CNTN3: variants seen among roughly 807,000 people sequenced by gnomAD.
The protein encoded by CNTN3 is contactin-3.
In CNTN3, 60 loss-of-function variants were observed where a neutral mutation model predicts 119.1. The observed-to-expected ratio is 0.50, with a 90% CI of 0.41 to 0.62. CNTN3 has a LOEUF of 0.62. Among genes scored for constraint, CNTN3 ranks in the 20% least tolerant of loss-of-function variants. The pLI is 0.00. For missense variants in CNTN3, 1,101 were observed against 1,242.4 expected (o/e 0.89, Z 1.71); for synonymous variants, 450 against 438.7 (o/e 1.03, Z -0.32).
chr3:74,435,826 C>G (rs1323052195), intron 4 of CNTN3, among the ~76,000 whole-genome samples: 2 of 152,154 alleles, frequency 1.3e-5, no homozygotes, highest in African/African-American at 2.4e-5. Flanking sequence ...GATTTCAAGT[C>G]CAGTTCTTTT....
At chr3:74,468,830 G>T (rs1009260175) in intron 4 of CNTN3, among the ~76,000 whole-genome samples, 2 of 152,100 alleles carry the variant, frequency 1.3e-5, no homozygotes, top group Non-Finnish European at 2.9e-5. Flanking sequence ...TCCTCCAGAT[G>T]ACAGATTTGG....
In CNTN3 at chr3:74,521,140, C is replaced by T; in HGVS notation, c.-28G>A. On this transcript the variant is annotated 5_prime_UTR_variant, in exon 2 of 23. Coordinates refer to ENST00000263665, the MANE Select transcript of CNTN3 (RefSeq NM_020872.3). Reference sequence around the variant, plus strand: ...TTAATTGCCAAATGCAAGAGTAACTCTTGTCCAGTCTCTGATGAATAGAAT... The same window carrying T: ...TTAATTGCCAAATGCAAGAGTAACTTTTGTCCAGTCTCTGATGAATAGAAT... 1 of 1,464,608 alleles carries T rather than the reference C, an allele frequency of 6.8e-7. No individual in the cohort carries two copies. Among genetic ancestry groups the T allele is most frequent in the Non-Finnish European group, 9.5e-7 (1 of 1,056,232 alleles). The allele number at this position is 1,464,608 out of a possible 1,614,324, so 90.7% of individuals were successfully genotyped here. A position where few individuals can be genotyped will look rare whatever the true frequency, so the allele number is the denominator to read the frequency against.
intron 20 of CNTN3, among the ~76,000 whole-genome samples, chr3:74,275,480 T>C (rs1396807158): frequency 6.6e-6 from 1 of 152,192 alleles, no homozygotes; most frequent in Non-Finnish European, 1.5e-5. Flanking sequence ...CTAGAAGGGA[T>C]TGTGGCCCAA....
chr3:74,288,090 C>T (rs1422446131), intron 19 of CNTN3, among the ~76,000 whole-genome samples: 1 of 151,784 alleles, frequency 6.6e-6, no homozygotes, highest in Non-Finnish European at 1.5e-5. Flanking sequence ...CTTTTTTTTC[C>T]AGTGACATTT....
chr3:74,367,592 C>G (rs1243946879), intron 8 of CNTN3, among the ~76,000 whole-genome samples: 1 of 151,782 alleles, frequency 6.6e-6, no homozygotes, highest in Non-Finnish European at 1.5e-5. Flanking sequence ...AACTGATGTG[C>G]TAGTCACTGC....
At position 74,299,205 on chromosome 3, in the gene CNTN3, CA is replaced by C. The variant is rs200802057; in HGVS notation, c.2166+662del. On this transcript the variant is annotated intron_variant, in intron 17 of 22. Coordinates refer to ENST00000263665, the MANE Select transcript of CNTN3 (RefSeq NM_020872.3). ...ACTGGGCAACAGAGCAAGACTGTCT[CA>C]AAAAAAAAGGAAAAAAATATTAACG... Among the ~76,000 whole-genome samples, 35 of 149,318 alleles carry C rather than the reference CA, an allele frequency of 2.3e-4. No individual in the cohort carries two copies. The East Asian group carries it at 2.4e-3, about 10-fold the overall frequency.
At chr3:74,367,102 G>A (rs986624018) in intron 8 of CNTN3, among the ~76,000 whole-genome samples, 1 of 151,664 alleles carries the variant, frequency 6.6e-6, no homozygotes. Flanking sequence ...CATATGAGAT[G>A]CAAATATTCT....
At chr3:74,498,427 A>G (rs908551308) in intron 3 of CNTN3, among the ~76,000 whole-genome samples, 1 of 151,872 alleles carries the variant, frequency 6.6e-6, no homozygotes, top group African/African-American at 2.4e-5. Flanking sequence ...CTATAGAAAG[A>G]GGTAGAGGCA....
At chr3:74,398,660 T>G (rs1705114856) in intron 5 of CNTN3, among the ~76,000 whole-genome samples, 1 of 152,236 alleles carries the variant, frequency 6.6e-6, no homozygotes, top group African/African-American at 2.4e-5. Context: ...TTAGATCAAC[T>G]TTTAAAATGT....
At chr3:74,522,865 G>A (rs1230391362) in intron 1 of CNTN3, among the ~76,000 whole-genome samples, 1 of 151,760 alleles carries the variant, frequency 6.6e-6, no homozygotes, top group East Asian at 2.0e-4. Flanking sequence ...AGGATGAGTA[G>A]GGCACACGCA....
At chr3:74,379,539 T>C (rs1704565220) in intron 5 of CNTN3, among the ~76,000 whole-genome samples, 1 of 152,158 alleles carries the variant, frequency 6.6e-6, no homozygotes, top group Non-Finnish European at 1.5e-5. Flanking sequence ...TACCTTCATA[T>C]CTGTAAATGC....
chr3:74,514,650 G>A (rs1703422090), intron 2 of CNTN3, among the ~76,000 whole-genome samples: 1 of 152,076 alleles, frequency 6.6e-6, no homozygotes, highest in South Asian at 2.1e-4. Context: ...ATGTAGGGAT[G>A]CATGTGTAAC....
At chr3:74,391,557 C>CTTTTTTTTTTTTTTTTTTTT (rs554976641) in intron 5 of CNTN3, among the ~76,000 whole-genome samples, 7 of 87,030 alleles carry the variant, frequency 8.0e-5, no homozygotes, top group African/African-American at 3.3e-4. Flanking sequence ...CCCATAGTTT[C>CTTTTTTTTTTTTTTTTTTTT]TTTTTTTTTT....
chr3:74,596,564 C>A (rs1704813965), intron 1 of CNTN3, among the ~76,000 whole-genome samples: 1 of 152,066 alleles, frequency 6.6e-6, no homozygotes, highest in African/African-American at 2.4e-5. Flanking sequence ...TTTGACAAAC[C>A]TGAGAAAAAC....
chr3:74,347,052 G>A (rs1299699519), intron 11 of CNTN3, among the ~76,000 whole-genome samples: 1 of 152,078 alleles, frequency 6.6e-6, no homozygotes, highest in African/African-American at 2.4e-5. Context: ...TGCAGTAAGT[G>A]TTTTGGAAAA....
chr3:74,413,353 T>C (rs560944595), intron 5 of CNTN3, among the ~76,000 whole-genome samples: 12 of 152,296 alleles, frequency 7.9e-5, no homozygotes, highest in Non-Finnish European at 1.5e-4. Flanking sequence ...AGCTGACGGA[T>C]GCAGAGCAAA....
intron 3 of CNTN3, among the ~76,000 whole-genome samples, chr3:74,490,942 A>C (rs919971574): frequency 4.6e-5 from 7 of 152,208 alleles, no homozygotes; most frequent in African/African-American, 1.7e-4. Flanking sequence ...ATTCATCATT[A>C]AATGGAACTC....
At chr3:74,281,507 T>C (rs1702008455) in intron 20 of CNTN3, among the ~76,000 whole-genome samples, 1 of 151,926 alleles carries the variant, frequency 6.6e-6, no homozygotes. Flanking sequence ...GTTAATTCTC[T>C]TATATTTTTC....
intron 1 of CNTN3, among the ~76,000 whole-genome samples, chr3:74,607,914 G>A (rs1422581034): frequency 6.6e-6 from 1 of 152,032 alleles, no homozygotes; most frequent in Admixed American, 6.6e-5. Context: ...ATGAAATCAG[G>A]TTTAAAAAAT....
Sources: gnomAD v4.1 joint callset for allele counts (sites outside exome capture counted in the v4.1 genomes callset) on GRCh38, gnomAD v4.1.1 for gene constraint, MANE v1.5 for transcripts, NCBI Gene and HGNC (gene_info 2026-07-23, HGNC 2026-07-21) for gene names.